Variants in CDH12 observed in about 807,000 individuals in gnomAD.
CDH12 encodes cadherin 12.
A neutral mutation model predicts 74.1 loss-of-function variants in CDH12; 41 were observed. The observed-to-expected ratio is 0.55, with a 90% CI of 0.43 to 0.72. CDH12 has a LOEUF of 0.72. Among genes scored for constraint, CDH12 ranks in the 30% least tolerant of loss-of-function variants. CDH12 has a pLI of 0.00. For synonymous variants in CDH12, 399 were observed against 355.0 expected (o/e 1.12, Z -1.39); for missense variants, 945 against 977.2 (o/e 0.97, Z 0.44).
Position 22,121,352 on chromosome 5 carries a change from CA to C in CDH12, c.-186-42491del, listed in dbSNP as rs1745501527. Among the ~76,000 whole-genome samples the C allele has an allele frequency of 1.1e-4, 16 of 152,204 alleles. 1 individual carries two copies. The South Asian group carries it at 3.3e-3, about 32-fold the overall frequency. On this transcript the variant is annotated intron_variant, in intron 4 of 14. Coordinates refer to ENST00000382254, the MANE Select transcript of CDH12 (RefSeq NM_004061.5). ...TATAAAATCGTTGGTATCCTAAACT[CA>C]GGGGTCCTTAGCTGTTACACAAAGC...
intron 6 of CDH12, among the ~76,000 whole-genome samples, chr5:21,938,860 G>A (rs1382728218): frequency 1.3e-5 from 2 of 150,050 alleles, no homozygotes; most frequent in Middle Eastern, 3.2e-3. Context: ...AGAATTATTT[G>A]AAAAACGTAG....
At chr5:22,462,396 A>G (rs1198275360) in intron 2 of CDH12, among the ~76,000 whole-genome samples, 1 of 152,168 alleles carries the variant, frequency 6.6e-6, no homozygotes, top group Non-Finnish European at 1.5e-5. Context: ...CACCTTTTAG[A>G]GGGCTGTTGG....
At chr5:22,655,403 C>T (rs910260499) in intron 1 of CDH12, among the ~76,000 whole-genome samples, 8 of 152,146 alleles carry the variant, frequency 5.3e-5, no homozygotes, top group African/African-American at 1.4e-4. Context: ...AAATCAAATA[C>T]ACTTAGCATA....
At chr5:22,570,280 C>A (rs979948338) in intron 1 of CDH12, among the ~76,000 whole-genome samples, 1 of 151,888 alleles carries the variant, frequency 6.6e-6, no homozygotes, top group African/African-American at 2.4e-5. Flanking sequence ...AACTCCTGAT[C>A]TCAAGTGATC....
intron 3 of CDH12, among the ~76,000 whole-genome samples, chr5:22,371,639 T>A (rs1741297701): frequency 6.6e-6 from 1 of 152,194 alleles, no homozygotes; most frequent in Non-Finnish European, 1.5e-5. Context: ...TGTTAGTTAA[T>A]CTTAAGCATT....
chr5:22,761,360 C>T (rs903524964), intron 1 of CDH12, among the ~76,000 whole-genome samples: 3 of 152,142 alleles, frequency 2.0e-5, no homozygotes, highest in Non-Finnish European at 2.9e-5. Context: ...GCAACTCATT[C>T]TTATTTCGGC....
In CDH12 at chr5:22,678,050, G is replaced by GGT. The variant is rs746265127; in HGVS notation, c.-522-172687_-522-172686insAC. Among the ~76,000 whole-genome samples, 1,249 of 151,422 alleles carry GGT rather than the reference G, an allele frequency of 8.2e-3. 19 individuals carry two copies. Among genetic ancestry groups the GGT allele is most frequent in the Middle Eastern group, 0.014 (4 of 294 alleles). ...ACCTCCTATACCATCCTCATGGGGG[G>GGT]GGGGGTTAGGATTTTAATGTAAAAT... On this transcript the variant is annotated intron_variant, in intron 1 of 14. Transcript: ENST00000382254.
chr5:22,840,184 G>A (rs1414440765), intron 1 of CDH12, among the ~76,000 whole-genome samples: 5 of 152,088 alleles, frequency 3.3e-5, no homozygotes, highest in African/African-American at 7.2e-5. Context: ...GCGGTTGCAC[G>A]ATCTTGGCGC....
chr5:21,896,618 C>T (rs7702316), intron 6 of CDH12, among the ~76,000 whole-genome samples: 113,681 of 152,092 alleles, frequency 0.75, 44,518 homozygotes, highest in Non-Finnish European at 0.86. Flanking sequence ...ACAACCTAAT[C>T]GATGTATAAA....
intron 5 of CDH12, among the ~76,000 whole-genome samples, chr5:21,976,879 G>A (rs1464426534): frequency 6.6e-6 from 1 of 151,942 alleles, no homozygotes; most frequent in East Asian, 1.9e-4. Context: ...ATATCCTGTT[G>A]CAAATAAGCT....
At chr5:22,464,604 C>T (rs1745650694) in intron 2 of CDH12, among the ~76,000 whole-genome samples, 1 of 152,194 alleles carries the variant, frequency 6.6e-6, no homozygotes, top group African/African-American at 2.4e-5. Flanking sequence ...CTCTTCTCCT[C>T]AAAGTTCCCC....
At chr5:21,813,434 C>T (rs1404628300) in intron 9 of CDH12, among the ~76,000 whole-genome samples, 1 of 152,054 alleles carries the variant, frequency 6.6e-6, no homozygotes, top group Non-Finnish European at 1.5e-5. Context: ...GAGCCGAGAT[C>T]CCTCCATTGC....
chr5:22,580,236 C>A (rs927095698), intron 1 of CDH12: 5 of 320,078 alleles, frequency 1.6e-5, no homozygotes, highest in Non-Finnish European at 3.1e-5. Context: ...AATCTTCTAA[C>A]ATCTCCAAGC....
chr5:21,901,580 T>A (rs1351283008), intron 6 of CDH12, among the ~76,000 whole-genome samples: 2 of 152,216 alleles, frequency 1.3e-5, no homozygotes, highest in African/African-American at 4.8e-5. Flanking sequence ...TCTGATTTCA[T>A]ACCTGCATAA....
chr5:22,405,208 TAAAAAAA>T (rs374443456), intron 3 of CDH12, 42 bp downstream of exon 3: 17,309 of 520,572 alleles, frequency 0.033, 303 homozygotes, highest in Middle Eastern at 0.058. Flanking sequence ...AAACTGTCTT[TAAAAAAA>T]ATAAAAAATA....
At chr5:22,587,631 C>T (rs894255151) in intron 1 of CDH12, among the ~76,000 whole-genome samples, 5 of 152,058 alleles carry the variant, frequency 3.3e-5, no homozygotes, top group African/African-American at 1.2e-4. Flanking sequence ...ACTAACACTG[C>T]ACTAGTATGT....
intron 1 of CDH12, among the ~76,000 whole-genome samples, chr5:22,820,816 C>A (rs1398223743): frequency 3.3e-5 from 5 of 152,018 alleles, no homozygotes; most frequent in Non-Finnish European, 7.4e-5. Flanking sequence ...CAAGGAGGAA[C>A]CGGTACCATT....
At chr5:22,030,967 G>A (rs1738777811) in intron 5 of CDH12, among the ~76,000 whole-genome samples, 1 of 152,132 alleles carries the variant, frequency 6.6e-6, no homozygotes, top group Admixed American at 6.6e-5. Context: ...TTTCTCTGCA[G>A]CTTCCTCATC....
At chr5:22,214,986 G>T (rs1437171432) in intron 3 of CDH12, among the ~76,000 whole-genome samples, 3 of 152,180 alleles carry the variant, frequency 2.0e-5, no homozygotes, top group Non-Finnish European at 4.4e-5. Context: ...AGACCATTTT[G>T]TTGGAGGTGT....
Sources: gnomAD v4.1 joint callset for allele counts (sites outside exome capture counted in the v4.1 genomes callset) on GRCh38, gnomAD v4.1.1 for gene constraint, MANE v1.5 for transcripts, NCBI Gene and HGNC (gene_info 2026-07-23, HGNC 2026-07-21) for gene names.